STARD9: variants seen among roughly 807,000 people sequenced by gnomAD.
STARD9 encodes the protein stAR-related lipid transfer protein 9.
STARD9 carries 346 observed loss-of-function variants against 399.8 expected under a neutral mutation model. That is an observed-to-expected ratio of 0.87 (90% CI 0.79 to 0.95). The LOEUF (loss-of-function observed/expected upper bound fraction) is 0.95, where lower values mean the gene tolerates loss of function less well. Ranked by LOEUF, STARD9 falls within the 40% of genes least tolerant of loss-of-function variation. The pLI is 0.00. For missense variants in STARD9, 5,832 were observed against 5,667.5 expected, an observed-to-expected ratio of 1.03 and a Z score of -0.93; for synonymous variants, 2,203 against 2,143.5, an observed-to-expected ratio of 1.03 and a Z score of -0.77.
chr15:42,688,330 G>C lies in STARD9; in HGVS notation c.6752G>C (p.Gly2251Ala), dbSNP rs990521144. Residue 2251 changes from glycine (G) to alanine (A), a missense_variant, in exon 23 of 33, where the codon GGT (glycine) becomes GCT (alanine). By Grantham distance (60) the Gly-to-Ala change is moderately conservative (BLOSUM62 0). Transcript: ENST00000290607. ...CTTGAGGAATTGGAGACTGTGAAAG[G>C]TTTTCAGGAAAGCCAAGTAGCTGAA... ...GSLEELETVK[G>A]FQESQVAEHV... The C allele has an allele frequency of 7.2e-6, 11 of 1,537,268 alleles. No homozygotes were observed. The highest frequency in any genetic ancestry group is 1.4e-5 in the African/African-American group (1 of 73,050).
At chr15:42,638,565 C>A in intron 6 of STARD9, 135 bp from the exon 7 acceptor site, 1 of 585,322 alleles carries the variant, frequency 1.7e-6, no homozygotes, top group South Asian at 2.2e-5. Context: ...CAAGGGGGAA[C>A]CTTGGCTTGA....
intron 15 of STARD9, among the ~76,000 whole-genome samples, chr15:42,667,876 A>G (rs1294816448): frequency 1.3e-5 from 2 of 152,190 alleles, no homozygotes; most frequent in African/African-American, 4.8e-5. Flanking sequence ...CCATGTTAAC[A>G]TTTTGTCACC....
intron 19 of STARD9, 40 bp downstream of exon 19, chr15:42,675,786 C>G: frequency 5.2e-6 from 8 of 1,533,664 alleles, no homozygotes; most frequent in Non-Finnish European, 7.0e-6. Flanking sequence ...GCTGGCCTCC[C>G]TGTTTCCACC....
chr15:42,646,460 A>C (rs2059647222), intron 7 of STARD9, among the ~76,000 whole-genome samples: 1 of 152,222 alleles, frequency 6.6e-6, no homozygotes, highest in Non-Finnish European at 1.5e-5. Flanking sequence ...CCTTGCACTT[A>C]AATGTTACTG....
intron 13 of STARD9, among the ~76,000 whole-genome samples, chr15:42,664,543 T>A (rs1414999452): frequency 1.3e-5 from 2 of 151,996 alleles, no homozygotes; most frequent in African/African-American, 4.8e-5. Flanking sequence ...TTCAAAAAAA[T>A]TTTTGTAGAA....
chr15:42,683,879 T>C (rs1456381855), intron 22 of STARD9, among the ~76,000 whole-genome samples: 1 of 152,240 alleles, frequency 6.6e-6, no homozygotes, highest in Non-Finnish European at 1.5e-5. Context: ...TCCCTACAAG[T>C]GTGATTAGCT....
At chr15:42,707,122 T>C (rs934354005) in intron 26 of STARD9, among the ~76,000 whole-genome samples, 1 of 151,822 alleles carries the variant, frequency 6.6e-6, no homozygotes, top group Non-Finnish European at 1.5e-5. Context: ...GTAGTTTTCT[T>C]TTTCAAGGTT....
At chr15:42,597,380 T>G (rs1254036563) in intron 3 of STARD9, among the ~76,000 whole-genome samples, 1 of 152,102 alleles carries the variant, frequency 6.6e-6, no homozygotes, top group Non-Finnish European at 1.5e-5. Context: ...TATTTATTTT[T>G]TTTTTGAGAT....
At chr15:42,694,868 TGA>T in intron 24 of STARD9, 143 bp downstream of exon 24, 2 of 313,130 alleles carry the variant, frequency 6.4e-6, no homozygotes, top group Non-Finnish European at 1.1e-5. Context: ...GGGAATGGAA[TGA>T]GGGAGGGGGT....
At chr15:42,697,426 T>G (rs1030293808) in intron 26 of STARD9, among the ~76,000 whole-genome samples, 1 of 152,138 alleles carries the variant, frequency 6.6e-6, no homozygotes, top group African/African-American at 2.4e-5. Context: ...GAATAGTGTT[T>G]CTTTTTTTCT....
intron 2 of STARD9, 46 bp from the exon 3 acceptor site, chr15:42,585,475 C>A: frequency 7.3e-7 from 1 of 1,366,256 alleles, no homozygotes; most frequent in Non-Finnish European, 1.0e-6. Context: ...TGGCCAGATT[C>A]TAATATTATG....
intron 1 of STARD9, among the ~76,000 whole-genome samples, chr15:42,577,156 T>C (rs539421417): frequency 2.6e-5 from 4 of 151,906 alleles, no homozygotes; most frequent in Admixed American, 2.6e-4. Flanking sequence ...TTTCTTTCTT[T>C]TTTCTTTTTT....
In STARD9 at chr15:42,586,159, A is replaced by G. The variant is rs533569563; in HGVS notation, c.234+522A>G. On this transcript the variant is annotated intron_variant, in intron 3 of 32. Transcript: ENST00000290607. ...CAGGTGGGTATAAGTTAGCTCAGGT[A>G]GTGTTCTGCTCCTATGATAGGTGAA... Among the ~76,000 whole-genome samples the G allele has an allele frequency of 7.9e-5, 12 of 152,348 alleles. No homozygotes were observed. In the South Asian group the frequency reaches 1.9e-3, roughly 24 times the overall value.
chr15:42,687,827 G>T lies in STARD9; in HGVS notation c.6249G>T (p.Glu2083Asp). 1 of 1,537,462 alleles carries T rather than the reference G, an allele frequency of 6.5e-7. No homozygotes were observed. Among genetic ancestry groups the T allele is most frequent in the Non-Finnish European group, 8.7e-7 (1 of 1,147,012 alleles). ...CCCACACACCAGGAACCGATAAGGAGTTGGTGTTCCAGGACCAGAAGGAGC... is the reference window on the plus strand; with the variant it reads ...CCCACACACCAGGAACCGATAAGGATTTGGTGTTCCAGGACCAGAAGGAGC... ...HASHTPGTDK[E>D]LVFQDQKEQE... is the part of the protein sequence containing the mutation. The change falls in exon 23 of 33, where the codon GAG becomes GAT. Residue 2083 changes from glutamate (E) to aspartate (D), a missense_variant. Glu to Asp is a conservative substitution (Grantham distance 45, BLOSUM62 2). Coordinates refer to ENST00000290607, the MANE Select transcript of STARD9 (RefSeq NM_020759.3).
rs1213422360 is a variant in STARD9 at position 42,681,428 on chromosome 15, G to A, written c.1881G>A (p.Ala627=). The A allele has an allele frequency of 5.9e-6, 9 of 1,535,528 alleles. No homozygotes were observed. Among genetic ancestry groups the A allele is most frequent in the Non-Finnish European group, 7.0e-6 (8 of 1,146,342 alleles). ...TCAGCCGCTTCTGTGACAGGAGAGC[G>A]CTTGAAGAGCAATGTGACGAGGACC... ...LSPLLWKERR[A]LEEQCDEDHQ... is the part of the protein sequence containing the mutation. Residue 627 remains alanine, a synonymous_variant, in exon 21 of 33, where the codon GCG becomes GCA. Coordinates refer to ENST00000290607, the MANE Select transcript of STARD9 (RefSeq NM_020759.3).
At chr15:42,658,499 A>G (rs1336913488) in intron 9 of STARD9, among the ~76,000 whole-genome samples, 1 of 125,458 alleles carries the variant, frequency 8.0e-6, no homozygotes, top group Non-Finnish European at 1.7e-5. Flanking sequence ...TTTTTTTTTA[A>G]TGAGACTGAT....
chr15:42,685,678 A>G lies in STARD9; in HGVS notation c.4100A>G (p.His1367Arg), dbSNP rs1268686211. 1 of 1,537,184 alleles carries G rather than the reference A, an allele frequency of 6.5e-7. No individual in the cohort carries two copies. Among genetic ancestry groups the G allele is most frequent in the East Asian group, 2.4e-5 (1 of 40,924 alleles). Residue 1367 changes from histidine to arginine, a missense_variant, in exon 23 of 33, where the codon CAC (histidine) becomes CGC (arginine). Transcript: ENST00000290607. ...LCPSPDMQEF[H>R]SCKGERPGYW... ...CCAAGTCCTGATATGCAGGAATTTC[A>G]CTCCTGTAAGGGGGAGAGGCCTGGA...
intron 1 of STARD9, chr15:42,581,156 C>G (rs952403904): frequency 4.5e-5 from 34 of 752,930 alleles, no homozygotes; most frequent in Non-Finnish European, 7.9e-5. Flanking sequence ...AGCATCACCC[C>G]CCAGCTGCAT....
In STARD9 at chr15:42,656,327, TAAAAAAAAAAAAAAA is replaced by T. The variant is rs869264641; in HGVS notation, c.702+3761_702+3775del. Among the ~76,000 whole-genome samples the T allele has an allele frequency of 1.4e-3, 48 of 35,332 alleles. 1 individual carries two copies. Among genetic ancestry groups the T allele is most frequent in the East Asian group, 1.8e-3 (1 of 566 alleles). 23.2% of individuals were successfully genotyped at this position (35,332 alleles called of 152,430 possible). A position where few individuals can be genotyped will look rare whatever the true frequency, so the allele number is the denominator to read the frequency against. On this transcript the variant is annotated intron_variant, in intron 9 of 32. Coordinates refer to ENST00000290607, the MANE Select transcript of STARD9 (RefSeq NM_020759.3). The stretch of plus-strand genomic sequence containing the variant: ...ATGCCACTGCACTCCAGCCATCTCC[TAAAAAAAAAAAAAAA>T]AAAAAAAAAAAAAAAAAAAAAAAAA...
Sources: gnomAD v4.1 joint callset for allele counts (sites outside exome capture counted in the v4.1 genomes callset) on GRCh38, gnomAD v4.1.1 for gene constraint, MANE v1.5 for transcripts, NCBI Gene and HGNC (gene_info 2026-07-23, HGNC 2026-07-21) for gene names.